Variants in RBFOX1 observed in about 807,000 individuals in gnomAD.
RBFOX1 encodes the protein RNA binding protein fox-1 homolog 1.
A neutral mutation model predicts 57.7 loss-of-function variants in RBFOX1; 8 were observed. The ratio of observed to expected loss-of-function variants is 0.14; its 90% CI spans 0.08 to 0.25. RBFOX1 has a LOEUF of 0.25. RBFOX1 is among the 10% of genes least tolerant of loss of function. The probability of loss-of-function intolerance (pLI) is 1.00; values close to 1 mark genes in which losing one functional copy is unlikely to be tolerated. For missense variants in RBFOX1, 611 were observed against 548.5 expected (o/e 1.11, Z -1.14); for synonymous variants, 326 against 222.4 (o/e 1.47, Z -4.15).
Position 7,709,203 on chromosome 16 carries a change from C to G in RBFOX1, c.1071+72C>G, listed in dbSNP as rs879746993. 8 of 1,398,692 alleles carry G rather than the reference C, an allele frequency of 5.7e-6. No individual in the cohort carries two copies. The East Asian group carries it at 7.0e-5, about 12-fold the overall frequency. 86.6% of individuals were successfully genotyped at this position (1,398,692 alleles called of 1,614,324 possible). ...CCTTTCCCCAGCTGGGACCTCAGTA[C>G]GGGTTGACGTCCTCTCACTTCCCGT... On this transcript the variant is annotated intron_variant, in intron 15 of 15. Coordinates refer to ENST00000550418, the MANE Select transcript of RBFOX1 (RefSeq NM_018723.4).
intron 4 of RBFOX1, among the ~76,000 whole-genome samples, chr16:6,009,282 C>G (rs1382656526): frequency 5.9e-5 from 9 of 152,112 alleles, no homozygotes; most frequent in Non-Finnish European, 1.3e-4. Flanking sequence ...CTTAAAACTG[C>G]CAACTCATTT....
intron 4 of RBFOX1, among the ~76,000 whole-genome samples, chr16:7,057,051 C>A (rs527874849): frequency 6.6e-6 from 1 of 151,144 alleles, no homozygotes; most frequent in East Asian, 1.9e-4. Flanking sequence ...AAATGCAGGC[C>A]TGATACTCAA....
At chr16:7,575,438 A>G (rs2093239928) in intron 5 of RBFOX1, among the ~76,000 whole-genome samples, 1 of 152,102 alleles carries the variant, frequency 6.6e-6, no homozygotes, top group Non-Finnish European at 1.5e-5. Context: ...CGACCCTAGT[A>G]TCGTTTTAAG....
intron 3 of RBFOX1, among the ~76,000 whole-genome samples, chr16:6,838,587 C>T (rs1170202641): frequency 2.0e-5 from 3 of 152,162 alleles, no homozygotes; most frequent in African/African-American, 7.2e-5. Flanking sequence ...CTTCTGCTGC[C>T]CCTCTGCTGC....
At chr16:6,065,499 C>G (rs1417392597) in intron 1 of RBFOX1, among the ~76,000 whole-genome samples, 1 of 152,118 alleles carries the variant, frequency 6.6e-6, no homozygotes, top group Non-Finnish European at 1.5e-5. Context: ...ATTGCGGTTT[C>G]CACTCAGTCC....
chr16:7,152,768 G>A (rs140552793), intron 4 of RBFOX1, among the ~76,000 whole-genome samples: 17 of 152,234 alleles, frequency 1.1e-4, no homozygotes, highest in African/African-American at 4.1e-4. Context: ...ATGGGGTCCA[G>A]GTACGATATT....
At chr16:7,061,583 C>T (rs375022733) in intron 4 of RBFOX1, among the ~76,000 whole-genome samples, 1 of 152,280 alleles carries the variant, frequency 6.6e-6, no homozygotes, top group Admixed American at 6.5e-5. Flanking sequence ...AAAAAAAGTT[C>T]ACACATTTAG....
intron 2 of RBFOX1, among the ~76,000 whole-genome samples, chr16:5,545,395 C>G (rs2045152460): frequency 6.6e-6 from 1 of 151,936 alleles, no homozygotes; most frequent in African/African-American, 2.4e-5. Context: ...CAAAACCTGA[C>G]AGAGAAATTA....
chr16:7,037,196 A>G (rs1467905789), intron 3 of RBFOX1, among the ~76,000 whole-genome samples: 2 of 142,474 alleles, frequency 1.4e-5, no homozygotes, highest in African/African-American at 2.7e-5. Context: ...TGCCTTAGCC[A>G]TCTGGGAATG....
At chr16:6,711,426 A>G (rs549449586) in intron 3 of RBFOX1, among the ~76,000 whole-genome samples, 1 of 152,076 alleles carries the variant, frequency 6.6e-6, no homozygotes, top group Admixed American at 6.5e-5. Context: ...TCCCCACTCA[A>G]ATCTCATCTT....
At chr16:5,272,186 G>A (rs573820802) in intron 1 of RBFOX1, among the ~76,000 whole-genome samples, 47 of 152,188 alleles carry the variant, frequency 3.1e-4, no homozygotes, top group African/African-American at 1.1e-3. Context: ...CAATAATAAA[G>A]TACCTTTCAA....
At chr16:7,689,301 G>C (rs2076821101) in intron 14 of RBFOX1, among the ~76,000 whole-genome samples, 1 of 151,986 alleles carries the variant, frequency 6.6e-6, no homozygotes, top group Non-Finnish European at 1.5e-5. Context: ...CCCCAACCAA[G>C]CCTTCCCAGT....
At chr16:5,707,384 C>G (rs1160108373) in intron 3 of RBFOX1, among the ~76,000 whole-genome samples, 1 of 152,198 alleles carries the variant, frequency 6.6e-6, no homozygotes, top group Non-Finnish European at 1.5e-5. Context: ...TGTGCATTTT[C>G]TCAGAGCTGA....
At chr16:6,407,593 G>GAGA (rs1194865922) in intron 2 of RBFOX1, among the ~76,000 whole-genome samples, 3 of 150,714 alleles carry the variant, frequency 2.0e-5, no homozygotes, top group Admixed American at 6.6e-5. Context: ...GAGAGAGAGA[G>GAGA]AAGTACATTC....
chr16:5,395,308 A>G (rs2066519590), intron 1 of RBFOX1, among the ~76,000 whole-genome samples: 1 of 152,194 alleles, frequency 6.6e-6, no homozygotes, highest in Admixed American at 6.5e-5. Flanking sequence ...CTCTTCGTAC[A>G]TTCTTCTGTT....
intron 4 of RBFOX1, among the ~76,000 whole-genome samples, chr16:6,000,467 A>G (rs2060577499): frequency 6.6e-6 from 1 of 152,130 alleles, no homozygotes; most frequent in Non-Finnish European, 1.5e-5. Context: ...ACATCTGGAG[A>G]GTATAAAATT....
chr16:6,861,823 G>GTTTTTTTTTTTTTTTTTTTTTTT (rs35138717), intron 3 of RBFOX1, among the ~76,000 whole-genome samples: 5 of 92,454 alleles, frequency 5.4e-5, no homozygotes, highest in African/African-American at 1.3e-4. Flanking sequence ...GCGTCCCTTG[G>GTTTTTTTTTTTTTTTTTTTTTTT]TTTTTTTTTT....
chr16:7,426,123 G>A (rs1021378030), intron 4 of RBFOX1, among the ~76,000 whole-genome samples: 2 of 152,166 alleles, frequency 1.3e-5, no homozygotes, highest in African/African-American at 2.4e-5. Flanking sequence ...AAAAGCCAGC[G>A]TGCAGGCTCT....
intron 4 of RBFOX1, among the ~76,000 whole-genome samples, chr16:7,064,657 A>T (rs368423349): frequency 5.9e-5 from 9 of 152,216 alleles, no homozygotes; most frequent in Admixed American, 3.3e-4. Context: ...CTGTTGTTTG[A>T]TTTCCCTGGT....
Sources: gnomAD v4.1 joint callset for allele counts (sites outside exome capture counted in the v4.1 genomes callset) on GRCh38, gnomAD v4.1.1 for gene constraint, MANE v1.5 for transcripts, NCBI Gene and HGNC (gene_info 2026-07-23, HGNC 2026-07-21) for gene names.